Variants in ZNF584 observed in about 807,000 individuals in gnomAD.
ZNF584 encodes the protein zinc finger protein 584.
A neutral mutation model predicts 14.7 loss-of-function variants in ZNF584; 12 were observed. The ratio of observed to expected loss-of-function variants is 0.82; its 90% CI spans 0.52 to 1.32. The LOEUF is 1.32. Among genes scored for constraint, ZNF584 ranks in the 40% most tolerant of loss-of-function variants. The pLI, the probability that ZNF584 is intolerant of heterozygous loss-of-function variation, is 0.00. For synonymous variants in ZNF584, 204 were observed against 190.9 expected (o/e 1.07, Z -0.57); for missense variants, 478 against 518.8 (o/e 0.92, Z 0.76).
upstream of ZNF584, among the ~76,000 whole-genome samples, chr19:58,403,729 G>C (rs556310870): frequency 1.3e-5 from 2 of 152,112 alleles, no homozygotes; most frequent in South Asian, 4.1e-4. Context: ...CCAGCATTTT[G>C]GGAGGCTGAG....
intron 2 of ZNF584, 98 bp from the exon 3 acceptor site, chr19:58,415,426 G>C: frequency 2.1e-6 from 3 of 1,456,046 alleles, no homozygotes; most frequent in Non-Finnish European, 2.8e-6. Flanking sequence ...GCGAACGTCT[G>C]GGTTTAAGTG....
chr19:58,410,565 A>ATATATGTATATATGTATG (rs2052542001), intron 2 of ZNF584, among the ~76,000 whole-genome samples: 1 of 6,200 alleles, frequency 1.6e-4, no homozygotes, highest in African/African-American at 6.7e-4. Flanking sequence ...ATATGTGTAT[A>ATATATGTATATATGTATG]TATATATGTA....
At position 58,417,744 on chromosome 19, in the gene ZNF584, G is replaced by C; in HGVS notation, c.1226G>C (p.Arg409Pro). Residue 409 changes from arginine (R) to proline (P), a missense_variant, in exon 4 of 4, where the codon CGT becomes CCT. Transcript: ENST00000306910. Reference protein sequence around the residue: ...QHKKVHTPERRQEDRAHGKVV... With the variant: ...QHKKVHTPERPQEDRAHGKVV... ...AAGAAAGTCCATACTCCAGAAAGGC[G>C]TCAGGAGGACAGGGCACATGGGAAG... 1 of 1,613,506 alleles carries C rather than the reference G, an allele frequency of 6.2e-7. No homozygotes were observed. The highest frequency in any genetic ancestry group is 1.7e-4 in the Middle Eastern group (1 of 6,050).
In ZNF584 at chr19:58,415,109, A is replaced by G. The variant is rs184853269; in HGVS notation, c.170-415A>G. Among the ~76,000 whole-genome samples, 66 of 151,634 alleles carry G rather than the reference A, an allele frequency of 4.4e-4. No homozygotes were observed. The East Asian group carries it at 7.3e-3, about 17-fold the overall frequency. On this transcript the variant is annotated intron_variant, in intron 2 of 3. Coordinates refer to ENST00000306910, the MANE Select transcript of ZNF584 (RefSeq NM_173548.3). The stretch of plus-strand genomic sequence containing the variant: ...GGGGTTTCACCGTGTTAGCCAGGAT[A>G]GTCTTGATCTCCTGACCTCGTGATC...
At chr19:58,403,108 G>C (rs1162666343) in intron 1 of ZNF584, among the ~76,000 whole-genome samples, 1 of 152,178 alleles carries the variant, frequency 6.6e-6, no homozygotes, top group East Asian at 1.9e-4. Context: ...TTGGAAGACA[G>C]TTTGGCAGTT....
In ZNF584 at chr19:58,408,880, C is replaced by CGCG; in HGVS notation, c.-267_-265dup. On this transcript the variant is annotated 5_prime_UTR_variant, in exon 1 of 4. Coordinates refer to ENST00000306910, the MANE Select transcript of ZNF584 (RefSeq NM_173548.3). ...CGAGGTGAAGGGCAGGGACCTTTGC[C>CGCG]GCGCCTTCCACGCGCCGTGCCCCAC... 2.5e-6 allele frequency: 1 copy of CGCG among 400,856 alleles called. No individual in the cohort carries two copies. The highest frequency in any genetic ancestry group is 3.8e-5 in the East Asian group (1 of 26,650). 24.8% of individuals were successfully genotyped at this position (400,856 alleles called of 1,614,324 possible).
At chr19:58,407,564 C>T (rs887190462), upstream of ZNF584, among the ~76,000 whole-genome samples, 7 of 152,120 alleles carry the variant, frequency 4.6e-5, no homozygotes, top group African/African-American at 7.2e-5. Flanking sequence ...CTCAGTGCCA[C>T]GACCAACAGC....
intron 1 of ZNF584, among the ~76,000 whole-genome samples, chr19:58,403,072 T>C (rs1328896739): frequency 6.6e-6 from 1 of 152,182 alleles, no homozygotes; most frequent in Non-Finnish European, 1.5e-5. Flanking sequence ...TTACTGCTGA[T>C]AGAAAGGCAA....
At position 58,410,518 on chromosome 19, in the gene ZNF584, A is replaced by AATATATATAT. The variant is rs1156543028; in HGVS notation, c.169+458_169+467dup. Among the ~76,000 whole-genome samples, 67 of 77,138 alleles carry AATATATATAT rather than the reference A, an allele frequency of 8.7e-4. 1 individual carries two copies. Among genetic ancestry groups the AATATATATAT allele is most frequent in the East Asian group, 1.5e-3 (3 of 1,960 alleles). The allele number at this position is 77,138 out of a possible 152,430, so 50.6% of individuals were successfully genotyped here. ...GAATTTTAATCAGAACGGTTTGGGA[A>AATATATATAT]ATATATATATATATATATATATATA... On this transcript the variant is annotated intron_variant, in intron 2 of 3. Coordinates refer to ENST00000306910, the MANE Select transcript of ZNF584 (RefSeq NM_173548.3).
upstream of ZNF584, chr19:58,407,055 G>A (rs1018397640): frequency 2.0e-5 from 3 of 152,724 alleles, no homozygotes; most frequent in Admixed American, 1.3e-4. Flanking sequence ...ATTGAGCTGA[G>A]TGGAGGCACC....
intron 3 of ZNF584, chr19:58,416,019 A>G (rs1810212591): frequency 1.3e-6 from 2 of 1,517,746 alleles, no homozygotes; most frequent in South Asian, 1.2e-5. Context: ...CTGGGACTAG[A>G]CACATGCCTC....
At chr19:58,402,639 A>G (rs1019042701) in intron 1 of ZNF584, among the ~76,000 whole-genome samples, 1 of 152,072 alleles carries the variant, frequency 6.6e-6, no homozygotes, top group Non-Finnish European at 1.5e-5. Flanking sequence ...CCTGACCAAC[A>G]TGGAGAAACC....
upstream of ZNF584, chr19:58,408,157 TG>T (rs1244572658): frequency 1.3e-5 from 2 of 152,278 alleles, no homozygotes; most frequent in African/African-American, 4.8e-5. Context: ...TGTTTTTGGC[TG>T]GGACATTTTT....
chr19:58,411,818 A>G (rs2052576227), intron 2 of ZNF584, among the ~76,000 whole-genome samples: 1 of 149,298 alleles, frequency 6.7e-6, no homozygotes, highest in Non-Finnish European at 1.5e-5. Context: ...TAATTTTTGT[A>G]TTTTTCGTAG....
chr19:58,404,878 ACCTCCCT>A, upstream of ZNF584: 1 of 41,052 alleles, frequency 2.4e-5, no homozygotes, highest in African/African-American at 1.2e-4. Context: ...CCCCCCCCCC[ACCTCCCT>A]CCTGGACGGG....
chr19:58,407,088 G>A (rs976639880), upstream of ZNF584: 1 of 152,058 alleles, frequency 6.6e-6, no homozygotes, highest in South Asian at 2.1e-4. Context: ...GGCACAGGCT[G>A]GGCACCAGGT....
At position 58,408,871 on chromosome 19, in the gene ZNF584, G is replaced by A; in HGVS notation, c.-277G>A. The A allele has an allele frequency of 2.5e-6, 1 of 392,760 alleles. No homozygotes were observed. The allele number at this position is 392,760 out of a possible 1,614,324, so 24.3% of individuals were successfully genotyped here. A position where few individuals can be genotyped will look rare whatever the true frequency, so the allele number is the denominator to read the frequency against. ...TCCCCTGCGCGAGGTGAAGGGCAGGGACCTTTGCCGCGCCTTCCACGCGCC... is the reference window on the plus strand; with the variant it reads ...TCCCCTGCGCGAGGTGAAGGGCAGGAACCTTTGCCGCGCCTTCCACGCGCC... On this transcript the variant is annotated 5_prime_UTR_variant, in exon 1 of 4. Transcript: ENST00000306910.
intron 1 of ZNF584, 106 bp from the exon 2 acceptor site, chr19:58,409,835 A>G: frequency 7.4e-7 from 1 of 1,353,874 alleles, no homozygotes; most frequent in African/African-American, 1.4e-5. Flanking sequence ...GGGAAAGATA[A>G]TGTCAGGGGG....
chr19:58,418,125 C>T lies in ZNF584; in HGVS notation c.*341C>T, dbSNP rs927062774. 1.5e-5 allele frequency: 4 copies of T among 263,164 alleles called. No homozygotes were observed. Among genetic ancestry groups the T allele is most frequent in the South Asian group, 7.2e-5 (1 of 13,904 alleles). The allele number at this position is 263,164 out of a possible 1,614,324, so 16.3% of individuals were successfully genotyped here. ...CCCAAAACAGGCCTCATTCCCTACC[C>T]TTGACTGGTTTAGCTGTGGACATGA... On this transcript the variant is annotated 3_prime_UTR_variant, in exon 4 of 4. Transcript: ENST00000306910.
Sources: gnomAD v4.1 joint callset for allele counts (sites outside exome capture counted in the v4.1 genomes callset) on GRCh38, gnomAD v4.1.1 for gene constraint, MANE v1.5 for transcripts, NCBI Gene and HGNC (gene_info 2026-07-23, HGNC 2026-07-21) for gene names.